The following CADPS variants were observed in gnomAD, a reference collection of about 807,000 sequenced individuals.
The protein encoded by CADPS is calcium dependent secretion activator, also known as calcium-dependent secretion activator 1.
Under a neutral mutation model 167.3 loss-of-function variants are expected in CADPS, and 57 were observed. That is an observed-to-expected ratio of 0.34 (90% confidence interval 0.28 to 0.42). The LOEUF (loss-of-function observed/expected upper bound fraction) is 0.42. CADPS is among the 20% of genes least tolerant of loss of function. The pLI, the probability that CADPS is intolerant of heterozygous loss-of-function variation, is 1.00. For synonymous variants in CADPS, 676 were observed against 635.3 expected (o/e 1.06, Z -0.96); for missense variants, 1,414 against 1,738.1 (o/e 0.81, Z 3.32).
chr3:62,444,490 G>C (rs1009612622), intron 27 of CADPS, among the ~76,000 whole-genome samples: 1 of 152,200 alleles, frequency 6.6e-6, no homozygotes, highest in Admixed American at 6.5e-5. Flanking sequence ...TGAGTAGTTA[G>C]CTCCCCACGA....
chr3:62,447,652 A>C (rs1387829514), intron 26 of CADPS, among the ~76,000 whole-genome samples: 2 of 152,206 alleles, frequency 1.3e-5, no homozygotes, highest in Non-Finnish European at 2.9e-5. Flanking sequence ...GCAAGATTGC[A>C]TCAAGGAGCC....
chr3:62,688,951 C>T (rs993735774), intron 3 of CADPS, among the ~76,000 whole-genome samples: 4 of 151,930 alleles, frequency 2.6e-5, no homozygotes, highest in African/African-American at 9.7e-5. Flanking sequence ...ACATTGACAG[C>T]AATTTTCTCC....
intron 6 of CADPS, among the ~76,000 whole-genome samples, chr3:62,593,025 T>C (rs757324533): frequency 2.6e-5 from 4 of 152,322 alleles, no homozygotes; most frequent in Non-Finnish European, 5.9e-5. Context: ...TGAGAACTTG[T>C]TCCCATGCAT....
intron 28 of CADPS, among the ~76,000 whole-genome samples, chr3:62,423,799 T>A (rs1479470384): frequency 6.6e-6 from 1 of 152,146 alleles, no homozygotes; most frequent in African/African-American, 2.4e-5. Flanking sequence ...AACATGGAGA[T>A]CACGAAGGTT....
intron 12 of CADPS, among the ~76,000 whole-genome samples, chr3:62,533,983 T>G (rs2074220087): frequency 6.6e-6 from 1 of 152,186 alleles, no homozygotes; most frequent in Non-Finnish European, 1.5e-5. Flanking sequence ...ATCTGCAAAT[T>G]AGAGCAGGTT....
In CADPS at chr3:62,412,146, ATT is replaced by A. The variant is rs60203483; in HGVS notation, c.3778-8963_3778-8962del. 8.8e-4 allele frequency among the ~76,000 whole-genome samples: 123 copies of A among 140,440 alleles called. No homozygotes were observed. Among genetic ancestry groups the A allele is most frequent in the Non-Finnish European group, 7.2e-4 (47 of 65,424 alleles). The allele number at this position is 140,440 out of a possible 152,430, so 92.1% of individuals were successfully genotyped here. A position where few individuals can be genotyped will look rare whatever the true frequency, so the allele number is the denominator to read the frequency against. On this transcript the variant is annotated intron_variant, in intron 28 of 29. Transcript: ENST00000383710. This position sits in a 1 kb window ranked among gnomAD's most constrained non-coding sequence, Gnocchi z 4.1. ...AGTGTCATTTTTAGTTGAGGGTAGG[ATT>A]TTTTTTTTTTTTTTTTAACGTCCGT...
intron 1 of CADPS, among the ~76,000 whole-genome samples, chr3:62,804,028 T>G (rs1444578237): frequency 6.6e-6 from 1 of 152,106 alleles, no homozygotes; most frequent in African/African-American, 2.4e-5. Context: ...CTGACCACAC[T>G]GCCTCAGTAG....
intron 13 of CADPS, among the ~76,000 whole-genome samples, chr3:62,522,398 C>T (rs946946426): frequency 6.6e-6 from 1 of 152,106 alleles, no homozygotes; most frequent in Non-Finnish European, 1.5e-5. Flanking sequence ...CTCAGCCTTG[C>T]AAAATGCTGG....
chr3:62,678,294 A>G (rs547512219), intron 3 of CADPS, among the ~76,000 whole-genome samples: 2 of 152,234 alleles, frequency 1.3e-5, no homozygotes, highest in East Asian at 3.9e-4. Context: ...GGTTTCTAGA[A>G]GGCAATCATA....
chr3:62,713,797 GC>G (rs908841565), intron 3 of CADPS, among the ~76,000 whole-genome samples: 3 of 152,108 alleles, frequency 2.0e-5, no homozygotes, highest in African/African-American at 7.2e-5. Context: ...CTGTAACCCA[GC>G]CCTGGTCAGT....
chr3:62,491,462 T>A lies in CADPS; in HGVS notation c.2903A>T (p.Lys968Ile). ...LRTDYNLCNG[K>I]FHKHLQDLFA... ...CAGGTCTTGCAGGTGTTTGTGAAAT[T>A]TTCCATTGCACAAATTATCTAGAAC... The change falls in exon 21 of 30, where the codon AAA (lysine) becomes ATA (isoleucine). Residue 968 changes from lysine (K) to isoleucine (I), a missense_variant. This residue lies in a region of CADPS where 529 missense variants were observed against 629.6 expected (regional missense o/e 0.84). Transcript: ENST00000383710. 1 of 1,613,902 alleles carries A rather than the reference T, an allele frequency of 6.2e-7. No individual in the cohort carries two copies. Among genetic ancestry groups the A allele is most frequent in the Non-Finnish European group, 8.5e-7 (1 of 1,179,968 alleles).
In CADPS at chr3:62,585,142, C is replaced by A. The variant is rs557425880; in HGVS notation, c.1577+43G>T. ...TTTTGTTTTCATTTTGAGAAATGAACAGACGTGTGTCCAAAACTGCTAGTT... is the reference window on the plus strand; with the variant it reads ...TTTTGTTTTCATTTTGAGAAATGAAAAGACGTGTGTCCAAAACTGCTAGTT... On this transcript the variant is annotated intron_variant, in intron 8 of 29. Transcript: ENST00000383710. 81 of 1,592,620 alleles carry A rather than the reference C, an allele frequency of 5.1e-5. 1 individual carries two copies. The South Asian group carries it at 8.8e-4, about 17-fold the overall frequency.
chr3:62,654,333 T>C (rs892109769), intron 4 of CADPS, among the ~76,000 whole-genome samples: 24 of 152,164 alleles, frequency 1.6e-4, no homozygotes, highest in African/African-American at 5.8e-4. Flanking sequence ...AGGTAGGTAC[T>C]GTAATGGAAG....
intron 8 of CADPS, among the ~76,000 whole-genome samples, chr3:62,573,204 C>T (rs1410327570): frequency 6.6e-6 from 1 of 152,104 alleles, no homozygotes; most frequent in Non-Finnish European, 1.5e-5. Flanking sequence ...ATTAAATCTT[C>T]CCTAGAGTAC....
intron 6 of CADPS, among the ~76,000 whole-genome samples, chr3:62,643,902 G>A (rs1437424735): frequency 1.3e-5 from 2 of 152,190 alleles, no homozygotes; most frequent in Non-Finnish European, 1.5e-5. Flanking sequence ...GAATAACTGG[G>A]ATTTCATCAA....
Position 62,455,981 on chromosome 3 carries a change from C to CAG in CADPS, c.3636+9384_3636+9385dup, listed in dbSNP as rs2058642616. On this transcript the variant is annotated intron_variant, in intron 26 of 29. Coordinates refer to ENST00000383710, the MANE Select transcript of CADPS (RefSeq NM_003716.4). The surrounding 1 kb of genome is among the most constrained non-coding windows in gnomAD (Gnocchi z 4.4). ...TCTATCATAGCCTGGGTTTGTAACA[C>CAG]AGTGGTTTGGTTTCTCTCTCTCTCT... 6.6e-6 allele frequency among the ~76,000 whole-genome samples: 1 copy of CAG among 152,142 alleles called. No individual in the cohort carries two copies. The highest frequency in any genetic ancestry group is 6.5e-5 in the Admixed American group (1 of 15,278).
In CADPS at chr3:62,750,353, C is replaced by CAAAAAAA. The variant is rs56069272; in HGVS notation, c.888+3081_888+3087dup. 2.5e-4 allele frequency among the ~76,000 whole-genome samples: 11 copies of CAAAAAAA among 44,894 alleles called. 1 individual carries two copies. Among genetic ancestry groups the CAAAAAAA allele is most frequent in the Non-Finnish European group, 3.1e-4 (8 of 26,176 alleles). 29.5% of individuals were successfully genotyped at this position (44,894 alleles called of 152,430 possible). ...GTGACAGAGTGAGACTCTTAAGCTC[C>CAAAAAAA]AAAAAAAAAAAAAAAAAAAAAAAAA... On this transcript the variant is annotated intron_variant, in intron 3 of 29. Coordinates refer to ENST00000383710, the MANE Select transcript of CADPS (RefSeq NM_003716.4).
intron 13 of CADPS, among the ~76,000 whole-genome samples, chr3:62,527,500 C>T (rs1022681468): frequency 6.6e-6 from 1 of 152,088 alleles, no homozygotes; most frequent in African/African-American, 2.4e-5. Context: ...TCTAAAAATG[C>T]CAAACATGTG....
chr3:62,769,641 ACTCCCCAGGTGGAGGTCG>A (rs2087986318), intron 1 of CADPS, among the ~76,000 whole-genome samples: 1 of 151,564 alleles, frequency 6.6e-6, no homozygotes, highest in South Asian at 2.1e-4. Flanking sequence ...TCCCTTCCAG[ACTCCCCAGGTGGAGGTCG>A]CTGTTTTCTC....
Sources: allele counts gnomAD v4.1 joint callset (sites outside exome capture counted in the v4.1 genomes callset), GRCh38; gene constraint gnomAD v4.1.1; regional missense constraint gnomAD v4.1.1; non-coding constraint Gnocchi (gnomAD v3.1); transcripts MANE v1.5; gene names NCBI Gene and HGNC (gene_info 2026-07-23, HGNC 2026-07-21).